The following NT5C3B variants were observed in gnomAD, a reference collection of about 807,000 sequenced individuals.
NT5C3B encodes the protein 5'-nucleotidase, cytosolic IIIB, also known as 7-methylguanosine phosphate-specific 5'-nucleotidase.
A neutral mutation model predicts 32.5 loss-of-function variants in NT5C3B; 28 were observed. The observed-to-expected ratio is 0.86, with a 90% CI of 0.64 to 1.18. NT5C3B has a LOEUF of 1.18. Among genes scored for constraint, NT5C3B ranks in the 50% most tolerant of loss-of-function variants. NT5C3B has a pLI of 0.00. For synonymous variants in NT5C3B, 138 were observed against 118.0 expected, an observed-to-expected ratio of 1.17 and a Z score of -1.10; for missense variants, 317 against 322.0, an observed-to-expected ratio of 0.98 and a Z score of 0.12.
chr17:41,828,031 A>G (rs554677400), intron 7 of NT5C3B, among the ~76,000 whole-genome samples: 1 of 152,376 alleles, frequency 6.6e-6, no homozygotes, highest in South Asian at 2.1e-4. Flanking sequence ...AAGCTGTGAT[A>G]TAAATGCCAC....
Position 41,835,109 on chromosome 17 carries a change from C to T in NT5C3B, c.189G>A (p.Leu63=), listed in dbSNP as rs1567864150. 3.1e-6 allele frequency: 5 copies of T among 1,614,106 alleles called. No homozygotes were observed. The highest frequency in any genetic ancestry group is 3.4e-6 in the Non-Finnish European group (4 of 1,180,010). ...CCTCACTGATGATCTTGCTATTATC[C>T]AGAATATCTGGAAAAAGAGAAAACT... is the stretch of plus-strand genomic sequence containing the variant. ...GKRCPSSYNI[L]DNSKIISEEC... Residue 63 remains leucine, a synonymous_variant, in exon 4 of 9, where the codon CTG becomes CTA. Coordinates refer to ENST00000435506, the MANE Select transcript of NT5C3B (RefSeq NM_052935.5).
intron 4 of NT5C3B, among the ~76,000 whole-genome samples, chr17:41,833,440 C>T (rs2048085920): frequency 6.6e-6 from 1 of 152,204 alleles, no homozygotes; most frequent in South Asian, 2.1e-4. Flanking sequence ...CCTCAGCCTC[C>T]CGAGTAGCTG....
intron 6 of NT5C3B, among the ~76,000 whole-genome samples, chr17:41,830,320 C>G (rs2144096150): frequency 6.6e-6 from 1 of 152,316 alleles, no homozygotes; most frequent in Non-Finnish European, 1.5e-5. Context: ...ACCATCTGGC[C>G]AACATGGTGA....
At chr17:41,831,319 CAAAAA>C (rs71155172) in intron 5 of NT5C3B, among the ~76,000 whole-genome samples, 11 of 110,134 alleles carry the variant, frequency 1.0e-4, no homozygotes, top group Admixed American at 9.5e-5. Context: ...GACTCCATCT[CAAAAA>C]AAAAAAAAAA....
At chr17:41,827,845 C>T (rs1555618436) in intron 7 of NT5C3B, among the ~76,000 whole-genome samples, 1 of 152,218 alleles carries the variant, frequency 6.6e-6, no homozygotes, top group East Asian at 1.9e-4. Flanking sequence ...TACATGATGC[C>T]TATGGCTGCT....
chr17:41,835,028 C>G, intron 4 of NT5C3B, 42 bp downstream of exon 4: 2 of 1,594,554 alleles, frequency 1.3e-6, no homozygotes, highest in Non-Finnish European at 1.7e-6. Flanking sequence ...TTTGAAGTAG[C>G]AAATGACAAC....
chr17:41,833,191 G>A (rs2048081228), intron 4 of NT5C3B, among the ~76,000 whole-genome samples: 1 of 152,166 alleles, frequency 6.6e-6, no homozygotes, highest in Non-Finnish European at 1.5e-5. Flanking sequence ...GGCTTAACCA[G>A]TAAGAACTTA....
intron 1 of NT5C3B, 93 bp downstream of exon 1, chr17:41,836,089 C>G: frequency 1.5e-6 from 2 of 1,348,932 alleles, no homozygotes; most frequent in Middle Eastern, 5.1e-4. Context: ...CTGGGTGAAG[C>G]GGCGGTGCCT....
At chr17:41,829,486 C>G (rs2048018599) in intron 6 of NT5C3B, among the ~76,000 whole-genome samples, 1 of 152,212 alleles carries the variant, frequency 6.6e-6, no homozygotes, top group African/African-American at 2.4e-5. Flanking sequence ...TAGCTTGAGG[C>G]TCCCTCGTGA....
chr17:41,835,535 T>A (rs2048134241), intron 2 of NT5C3B: 1 of 688,862 alleles, frequency 1.5e-6, no homozygotes, highest in Non-Finnish European at 2.6e-6. Context: ...CAATATCAGG[T>A]CCCTCCTAAG....
intron 4 of NT5C3B, 132 bp downstream of exon 4, chr17:41,834,938 T>G: frequency 1.2e-6 from 1 of 855,456 alleles, no homozygotes; most frequent in Non-Finnish European, 1.9e-6. Flanking sequence ...AACTAGACCC[T>G]CCTTAGCAAA....
intron 5 of NT5C3B, among the ~76,000 whole-genome samples, chr17:41,831,553 C>T (rs920080248): frequency 2.6e-5 from 4 of 152,166 alleles, no homozygotes; most frequent in Admixed American, 6.5e-5. Flanking sequence ...GGTGTCATGG[C>T]GGCACCATCC....
At chr17:41,834,713 C>T (rs559271886) in intron 4 of NT5C3B, among the ~76,000 whole-genome samples, 60 of 152,262 alleles carry the variant, frequency 3.9e-4, no homozygotes, top group African/African-American at 1.4e-3. Flanking sequence ...CAAGCCATTG[C>T]ACTCCAGCCT....
At chr17:41,835,485 T>A in intron 2 of NT5C3B, 1 of 653,046 alleles carries the variant, frequency 1.5e-6, no homozygotes, top group Non-Finnish European at 2.8e-6. Context: ...TCTCCTAGTG[T>A]GGGGGCAAGG....
At chr17:41,830,738 C>CT in intron 6 of NT5C3B, 63 bp downstream of exon 6, 3 of 1,273,974 alleles carry the variant, frequency 2.4e-6, no homozygotes, top group Non-Finnish European at 2.3e-6. Flanking sequence ...CCCCCGCCTC[C>CT]TTTTTTTGAA....
At chr17:41,830,428 G>C (rs781932489) in intron 6 of NT5C3B, among the ~76,000 whole-genome samples, 2 of 152,194 alleles carry the variant, frequency 1.3e-5, no homozygotes, top group African/African-American at 2.4e-5. Flanking sequence ...AGAATCGCTT[G>C]AACCCAGGAG....
At chr17:41,835,577 C>T in intron 2 of NT5C3B, 2 of 689,248 alleles carry the variant, frequency 2.9e-6, no homozygotes, top group Non-Finnish European at 5.3e-6. Flanking sequence ...ATCTGGACAT[C>T]TTCAACTTAC....
At chr17:41,826,956 C>T (rs901985426) in intron 8 of NT5C3B, among the ~76,000 whole-genome samples, 1 of 146,746 alleles carries the variant, frequency 6.8e-6, no homozygotes, top group East Asian at 2.0e-4. Context: ...GCCAAGATGG[C>T]GCCACTGCAC....
chr17:41,835,302 A>G, intron 2 of NT5C3B, 30 bp from the exon 3 acceptor site: 1 of 1,574,942 alleles, frequency 6.3e-7, no homozygotes, highest in Non-Finnish European at 8.7e-7. Flanking sequence ...TGATGCCTAA[A>G]TAGGCACCAG....
Sources: allele counts gnomAD v4.1 joint callset (sites outside exome capture counted in the v4.1 genomes callset), GRCh38; gene constraint gnomAD v4.1.1; transcripts MANE v1.5; gene names NCBI Gene and HGNC (gene_info 2026-07-23, HGNC 2026-07-21).